GPM6A: variants seen among roughly 807,000 people sequenced by gnomAD.
The protein encoded by GPM6A is neuronal membrane glycoprotein M6-a.
Under a neutral mutation model 32.1 loss-of-function variants are expected in GPM6A, and 7 were observed. That is an observed-to-expected ratio of 0.22 (90% CI 0.12 to 0.41). The LOEUF (loss-of-function observed/expected upper bound fraction) is 0.41. GPM6A is among the 10% of genes least tolerant of loss of function. The pLI, the probability that GPM6A is intolerant of heterozygous loss-of-function variation, is 1.00. For synonymous variants in GPM6A, 130 were observed against 123.4 expected (o/e 1.05, Z -0.35); for missense variants, 235 against 347.2 (o/e 0.68, Z 2.57).
chr4:175,706,191 TAGAAGAAATAGAAAAAGAA>T (rs1291800069), intron 1 of GPM6A, among the ~76,000 whole-genome samples: 13 of 150,888 alleles, frequency 8.6e-5, no homozygotes, highest in African/African-American at 3.2e-4. Context: ...TCAAAGAAAA[TAGAAGAAATAGAAAAAGAA>T]AATAGAAGAA....
intron 1 of GPM6A, among the ~76,000 whole-genome samples, chr4:175,854,233 A>T (rs1479462581): frequency 6.6e-6 from 1 of 152,202 alleles, no homozygotes; most frequent in Non-Finnish European, 1.5e-5. Flanking sequence ...ATAAGAAGAA[A>T]CAGTAAGAAA....
chr4:175,984,670 C>T (rs1740921292), intron 1 of GPM6A, among the ~76,000 whole-genome samples: 1 of 152,010 alleles, frequency 6.6e-6, no homozygotes, highest in Non-Finnish European at 1.5e-5. Context: ...TTTTAAAATC[C>T]TTCCCTGCCC....
chr4:175,927,817 G>A (rs769428562), intron 1 of GPM6A, among the ~76,000 whole-genome samples: 1 of 152,188 alleles, frequency 6.6e-6, no homozygotes, highest in African/African-American at 2.4e-5. Flanking sequence ...CCTGCGAGGC[G>A]GAGGTTGCAA....
intron 1 of GPM6A, among the ~76,000 whole-genome samples, chr4:175,953,597 A>G (rs1739888814): frequency 6.6e-6 from 1 of 152,154 alleles, no homozygotes; most frequent in African/African-American, 2.4e-5. Context: ...CAGACTTATA[A>G]TGTATATAAA....
rs149637785 is a variant in GPM6A at position 175,697,643 on chromosome 4, G to A, written c.230+3932C>T. The stretch of plus-strand genomic sequence containing the variant: ...TTAAAAGCTTCTGGGGAAGAAAATA[G>A]ACAAGAGACAGAGAAGTACTAAAAG... On this transcript the variant is annotated intron_variant, in intron 2 of 6. Coordinates refer to ENST00000393658, the MANE Select transcript of GPM6A (RefSeq NM_201591.3). Among the ~76,000 whole-genome samples the A allele has an allele frequency of 2.6e-3, 394 of 152,254 alleles. 3 individuals carry two copies. Among genetic ancestry groups the A allele is most frequent in the African/African-American group, 8.6e-3 (356 of 41,570 alleles).
At chr4:175,739,838 G>T (rs1731808086) in intron 1 of GPM6A, among the ~76,000 whole-genome samples, 1 of 151,946 alleles carries the variant, frequency 6.6e-6, no homozygotes, top group South Asian at 2.1e-4. Context: ...CTATTAAGAA[G>T]TTAACGTTTA....
intron 1 of GPM6A, chr4:175,807,291 G>T (rs1406329440): frequency 6.6e-6 from 1 of 152,098 alleles, no homozygotes; most frequent in South Asian, 2.1e-4. Flanking sequence ...AAGAAAGACT[G>T]GTGTCAAAGT....
intron 2 of GPM6A, among the ~76,000 whole-genome samples, chr4:175,692,657 T>C (rs748374447): frequency 5.3e-4 from 80 of 152,262 alleles, no homozygotes; most frequent in Non-Finnish European, 1.1e-3. Flanking sequence ...AACACTTCAA[T>C]GAATACAATT....
intron 1 of GPM6A, among the ~76,000 whole-genome samples, chr4:175,818,542 C>G (rs1735180194): frequency 6.6e-6 from 1 of 152,212 alleles, no homozygotes; most frequent in Non-Finnish European, 1.5e-5. Flanking sequence ...TATCTTTCCC[C>G]CTCACACAAG....
chr4:175,891,055 C>T (rs1737633230), intron 1 of GPM6A, among the ~76,000 whole-genome samples: 1 of 152,102 alleles, frequency 6.6e-6, no homozygotes, highest in Non-Finnish European at 1.5e-5. Context: ...AGGGTCTGGC[C>T]TGGAACTCAC....
At chr4:175,941,397 A>C (rs571442060) in intron 1 of GPM6A, among the ~76,000 whole-genome samples, 1 of 152,024 alleles carries the variant, frequency 6.6e-6, no homozygotes, top group Non-Finnish European at 1.5e-5. Flanking sequence ...TTTCTTTTTT[A>C]AAAAAATTAT....
chr4:175,813,112 A>G (rs762840049), upstream of GPM6A: 91 of 973,704 alleles, frequency 9.3e-5, no homozygotes, highest in Non-Finnish European at 1.0e-4. Flanking sequence ...GAAAAACCCT[A>G]TTGATGTCTT....
chr4:175,953,882 A>C (rs1014482910), intron 1 of GPM6A, among the ~76,000 whole-genome samples: 7 of 152,176 alleles, frequency 4.6e-5, no homozygotes, highest in African/African-American at 1.7e-4. Flanking sequence ...CTGGGCAACA[A>C]GAGCAAAACT....
intron 1 of GPM6A, among the ~76,000 whole-genome samples, chr4:175,760,216 A>T (rs529471532): frequency 1.3e-5 from 2 of 152,114 alleles, no homozygotes; most frequent in East Asian, 3.9e-4. Flanking sequence ...AATAAATCTA[A>T]ATAAATACAT....
intron 1 of GPM6A, among the ~76,000 whole-genome samples, chr4:175,724,218 A>C (rs1347882628): frequency 3.9e-5 from 6 of 152,226 alleles, no homozygotes; most frequent in Non-Finnish European, 8.8e-5. Flanking sequence ...AAAGACAAAT[A>C]TCATGTGATC....
At chr4:175,959,772 T>C (rs1204887110) in intron 1 of GPM6A, among the ~76,000 whole-genome samples, 1 of 152,148 alleles carries the variant, frequency 6.6e-6, no homozygotes, top group Non-Finnish European at 1.5e-5. Context: ...TTAGAGGTAA[T>C]ATAGAAATGG....
chr4:175,670,860 CA>C (rs1184173327), intron 3 of GPM6A, among the ~76,000 whole-genome samples: 6 of 116,486 alleles, frequency 5.2e-5, no homozygotes, highest in African/African-American at 1.1e-4. Flanking sequence ...AATGTTGCTT[CA>C]TTTTTTTTTT....
At chr4:175,683,183 T>C (rs1345016115) in intron 2 of GPM6A, among the ~76,000 whole-genome samples, 3 of 152,228 alleles carry the variant, frequency 2.0e-5, no homozygotes, top group Admixed American at 6.5e-5. Flanking sequence ...AAGATTATTT[T>C]GGAGCTTTAA....
At chr4:175,726,959 G>T (rs1212678274) in intron 1 of GPM6A, among the ~76,000 whole-genome samples, 2 of 152,104 alleles carry the variant, frequency 1.3e-5, no homozygotes, top group Non-Finnish European at 2.9e-5. Context: ...TCATGCCACT[G>T]CACTCCAGCC....
Sources: gnomAD v4.1 joint callset for allele counts (sites outside exome capture counted in the v4.1 genomes callset) on GRCh38, gnomAD v4.1.1 for gene constraint, MANE v1.5 for transcripts, NCBI Gene and HGNC (gene_info 2026-07-23, HGNC 2026-07-21) for gene names.